The following ELAVL4 variants were observed in gnomAD, a reference collection of about 807,000 sequenced individuals.
ELAVL4 encodes ELAV-like protein 4.
Under a neutral mutation model 35.6 loss-of-function variants are expected in ELAVL4, and 1 was observed. The observed-to-expected ratio is 0.03, with a 90% CI of 0.01 to 0.13. The LOEUF (loss-of-function observed/expected upper bound fraction) is 0.13, where lower values mean the gene tolerates loss of function less well. Among genes scored for constraint, ELAVL4 ranks in the 10% least tolerant of loss-of-function variants. The pLI is 1.00. For synonymous variants in ELAVL4, 156 were observed against 171.0 expected, an observed-to-expected ratio of 0.91 and a Z score of 0.69; for missense variants, 267 against 464.9, an observed-to-expected ratio of 0.57 and a Z score of 3.91.
At chr1:50,185,488 C>T (rs1404316180) in intron 3 of ELAVL4, among the ~76,000 whole-genome samples, 1 of 152,148 alleles carries the variant, frequency 6.6e-6, no homozygotes. Flanking sequence ...GATTAGTGTG[C>T]CATAGTGGAA....
intron 2 of ELAVL4, among the ~76,000 whole-genome samples, chr1:50,169,395 A>G (rs970361151): frequency 2.6e-5 from 4 of 152,118 alleles, no homozygotes; most frequent in Non-Finnish European, 5.9e-5. Flanking sequence ...ATACCTATTT[A>G]AAAACCATCA....
At chr1:50,080,946 C>T (rs775089301) in intron 1 of ELAVL4, among the ~76,000 whole-genome samples, 3 of 152,170 alleles carry the variant, frequency 2.0e-5, no homozygotes, top group Non-Finnish European at 4.4e-5. Context: ...AGTCGATACT[C>T]GGTTATATGT....
intron 1 of ELAVL4, among the ~76,000 whole-genome samples, chr1:50,072,554 G>A (rs1402316999): frequency 6.6e-6 from 1 of 152,124 alleles, no homozygotes; most frequent in African/African-American, 2.4e-5. Flanking sequence ...AAAAGAAAGA[G>A]CTATGGACAA....
At chr1:50,133,103 A>ACC (rs994767517) in intron 1 of ELAVL4, among the ~76,000 whole-genome samples, 1 of 152,168 alleles carries the variant, frequency 6.6e-6, no homozygotes, top group Non-Finnish European at 1.5e-5. Context: ...CCCCCTTGTT[A>ACC]GACTCCTGGG....
chr1:50,155,298 G>A (rs1055925639), intron 2 of ELAVL4, among the ~76,000 whole-genome samples: 2 of 150,838 alleles, frequency 1.3e-5, no homozygotes, highest in Non-Finnish European at 2.9e-5. Flanking sequence ...GACAACTTTG[G>A]TTCCTTTCTC....
intron 1 of ELAVL4, among the ~76,000 whole-genome samples, chr1:50,084,318 A>T (rs1665139262): frequency 6.6e-6 from 1 of 152,162 alleles, no homozygotes; most frequent in Admixed American, 6.5e-5. Context: ...TAGATTTGGT[A>T]ACTAAGCTTA....
intron 2 of ELAVL4, among the ~76,000 whole-genome samples, chr1:50,160,055 C>T (rs775817270): frequency 2.0e-5 from 3 of 152,052 alleles, no homozygotes; most frequent in African/African-American, 4.8e-5. Flanking sequence ...TGATTCAAAC[C>T]GTGGGTTCAT....
chr1:50,120,224 A>T (rs1433281396), intron 1 of ELAVL4, among the ~76,000 whole-genome samples: 1 of 151,946 alleles, frequency 6.6e-6, no homozygotes, highest in African/African-American at 2.4e-5. Context: ...CAAAAGAGGG[A>T]GACATTAGTT....
At chr1:50,149,374 G>C (rs1049692522) in intron 2 of ELAVL4, among the ~76,000 whole-genome samples, 1 of 151,036 alleles carries the variant, frequency 6.6e-6, no homozygotes, top group Non-Finnish European at 1.5e-5. Flanking sequence ...TGGGTAACAA[G>C]TACGAAACTC....
chr1:50,125,979 T>C (rs1159151024), intron 1 of ELAVL4, among the ~76,000 whole-genome samples: 6 of 152,068 alleles, frequency 3.9e-5, no homozygotes, highest in Admixed American at 3.3e-4. Flanking sequence ...CCAAAGCTTG[T>C]TTAGAAGATG....
intron 2 of ELAVL4, among the ~76,000 whole-genome samples, chr1:50,172,332 G>A (rs1468259848): frequency 6.6e-6 from 1 of 152,150 alleles, no homozygotes; most frequent in Admixed American, 6.6e-5. Context: ...ACAAACTACT[G>A]GAGATAATTT....
chr1:50,135,362 A>G (rs1409583837), intron 1 of ELAVL4, among the ~76,000 whole-genome samples: 2 of 152,198 alleles, frequency 1.3e-5, no homozygotes, highest in African/African-American at 4.8e-5. Flanking sequence ...TTCAGTATCA[A>G]AACAGGTAGG....
At chr1:50,078,375 C>G (rs907262996) in intron 1 of ELAVL4, among the ~76,000 whole-genome samples, 5 of 152,072 alleles carry the variant, frequency 3.3e-5, no homozygotes, top group Admixed American at 3.3e-4. Flanking sequence ...TTCCAAAACA[C>G]TACTTGGGCC....
chr1:50,137,781 T>C (rs1012344448), intron 1 of ELAVL4, among the ~76,000 whole-genome samples: 29 of 151,884 alleles, frequency 1.9e-4, no homozygotes, highest in Admixed American at 1.1e-3. Context: ...GAAGGAAAGG[T>C]TTTACTTTTG....
intron 1 of ELAVL4, among the ~76,000 whole-genome samples, chr1:50,094,388 A>G (rs1665624049): frequency 6.6e-6 from 1 of 152,132 alleles, no homozygotes; most frequent in African/African-American, 2.4e-5. Flanking sequence ...GATTGCTATT[A>G]ATCAAGGAAG....
intron 2 of ELAVL4, chr1:50,175,832 A>G (rs1191965978): frequency 6.6e-6 from 1 of 152,260 alleles, no homozygotes; most frequent in African/African-American, 2.4e-5. Context: ...TGTCACCAGG[A>G]CATGGCAGGC....
At chr1:50,136,114 G>A (rs1671841239) in intron 1 of ELAVL4, among the ~76,000 whole-genome samples, 1 of 152,128 alleles carries the variant, frequency 6.6e-6, no homozygotes, top group Non-Finnish European at 1.5e-5. Flanking sequence ...GATTTTATGA[G>A]CTGATCTAAG....
At chr1:50,082,002 C>T (rs1665032583) in intron 1 of ELAVL4, among the ~76,000 whole-genome samples, 2 of 152,184 alleles carry the variant, frequency 1.3e-5, no homozygotes, top group South Asian at 2.1e-4. Flanking sequence ...CTGCAAAGGA[C>T]ATGAACTCGT....
rs951932497 is a variant in ELAVL4, at chr1:50,089,252, A to G, written c.18+41070A>G. Among the ~76,000 whole-genome samples, 14 of 152,376 alleles carry G rather than the reference A, an allele frequency of 9.2e-5. No individual in the cohort carries two copies. The East Asian group carries it at 2.5e-3, about 27-fold the overall frequency. On this transcript the variant is annotated intron_variant, in intron 1 of 6. Coordinates refer to the ELAVL4 transcript ENST00000448907. ...GTTGGAAAGGAAGCAAGGAGGCTAC[A>G]GGAGCAGAGAGGAGGGTAACCTAAT...
Sources: gnomAD v4.1 joint callset for allele counts (sites outside exome capture counted in the v4.1 genomes callset) on GRCh38, gnomAD v4.1.1 for gene constraint, MANE v1.5 for transcripts, NCBI Gene and HGNC (gene_info 2026-07-23, HGNC 2026-07-21) for gene names.